PCDH9: variants seen among roughly 807,000 people sequenced by gnomAD.
PCDH9 encodes protocadherin-9.
In PCDH9, 24 loss-of-function variants were observed where a neutral mutation model predicts 70.6. The ratio of observed to expected loss-of-function variants is 0.34; its 90% confidence interval spans 0.25 to 0.48. PCDH9 has a LOEUF of 0.48. Ranked by LOEUF, PCDH9 falls within the 20% of genes least tolerant of loss-of-function variation. The pLI is 0.99. For missense variants in PCDH9, 1,281 were observed against 1,503.6 expected (o/e 0.85, Z 2.45); for synonymous variants, 562 against 558.5 (o/e 1.01, Z -0.09).
chr13:66,754,432 AG>A (rs984891631), intron 3 of PCDH9, among the ~76,000 whole-genome samples: 3 of 151,678 alleles, frequency 2.0e-5, no homozygotes, highest in Non-Finnish European at 4.4e-5. Flanking sequence ...TTTTAAAAAA[AG>A]GAAAAAAAAA....
chr13:66,422,322 A>G (rs1313063099), intron 4 of PCDH9, among the ~76,000 whole-genome samples: 1 of 152,200 alleles, frequency 6.6e-6, no homozygotes, highest in Non-Finnish European at 1.5e-5. Context: ...ATAGACATCT[A>G]TAGAACTCTC....
At chr13:66,521,937 G>T (rs553696139) in intron 4 of PCDH9, among the ~76,000 whole-genome samples, 2 of 151,374 alleles carry the variant, frequency 1.3e-5, no homozygotes, top group East Asian at 3.9e-4. Context: ...TTCTGAAAGA[G>T]AAATTTGATA....
intron 2 of PCDH9, among the ~76,000 whole-genome samples, chr13:66,986,720 T>C (rs906514297): frequency 6.6e-6 from 1 of 152,012 alleles, no homozygotes; most frequent in African/African-American, 2.4e-5. Flanking sequence ...TGATTTGAGA[T>C]GTTTAAAAAT....
intron 4 of PCDH9, among the ~76,000 whole-genome samples, chr13:66,485,112 T>C (rs1958916267): frequency 6.6e-6 from 1 of 152,200 alleles, no homozygotes; most frequent in African/African-American, 2.4e-5. Context: ...TTCTAAGGTG[T>C]TCGGTACTGA....
intron 3 of PCDH9, among the ~76,000 whole-genome samples, chr13:66,712,805 C>A (rs2146746): frequency 0.31 from 46,603 of 151,944 alleles, 8,148 homozygotes; most frequent in East Asian, 0.51. Context: ...GCTTTTCCTG[C>A]ACAAACTAGA....
At chr13:67,011,062 AACTT>A (rs2084442551) in intron 2 of PCDH9, among the ~76,000 whole-genome samples, 2 of 151,966 alleles carry the variant, frequency 1.3e-5, no homozygotes, top group African/African-American at 4.8e-5. Context: ...TGGTGGCAAT[AACTT>A]ACAAATTCTG....
intron 2 of PCDH9, among the ~76,000 whole-genome samples, chr13:66,957,059 A>G (rs1034098436): frequency 2.6e-5 from 4 of 152,230 alleles, no homozygotes; most frequent in African/African-American, 9.6e-5. Flanking sequence ...ACAATTTAAC[A>G]TAACAATGCT....
intron 4 of PCDH9, among the ~76,000 whole-genome samples, chr13:66,511,699 T>C (rs964633727): frequency 6.6e-6 from 1 of 152,128 alleles, no homozygotes; most frequent in East Asian, 1.9e-4. Context: ...ATCCTGGAAA[T>C]AGTGAATGAG....
At chr13:67,129,042 T>TAACA (rs751992288) in intron 2 of PCDH9, among the ~76,000 whole-genome samples, 1 of 152,164 alleles carries the variant, frequency 6.6e-6, no homozygotes, top group Non-Finnish European at 1.5e-5. Flanking sequence ...TTTTTTTACT[T>TAACA]AACACCACCT....
intron 2 of PCDH9, among the ~76,000 whole-genome samples, chr13:66,957,904 A>G (rs895128030): frequency 6.6e-6 from 1 of 152,240 alleles, no homozygotes; most frequent in Non-Finnish European, 1.5e-5. Context: ...AACGTAAAAT[A>G]CAAAGGGAGT....
At chr13:66,315,206 A>T (rs1050792565) in intron 4 of PCDH9, among the ~76,000 whole-genome samples, 1 of 152,142 alleles carries the variant, frequency 6.6e-6, no homozygotes, top group East Asian at 1.9e-4. Flanking sequence ...GTCTCAATAA[A>T]CTGGAAGCCA....
At chr13:66,973,641 T>C (rs1443130616) in intron 2 of PCDH9, among the ~76,000 whole-genome samples, 1 of 151,926 alleles carries the variant, frequency 6.6e-6, no homozygotes, top group East Asian at 1.9e-4. Context: ...ACTTTCATTG[T>C]TAGCTAACCT....
chr13:67,167,739 T>G (rs1367827517), intron 2 of PCDH9, among the ~76,000 whole-genome samples: 1 of 152,208 alleles, frequency 6.6e-6, no homozygotes, highest in African/African-American at 2.4e-5. Flanking sequence ...TATCTAAATA[T>G]TCTGTTTTTC....
At chr13:66,475,061 C>T (rs1212727741) in intron 4 of PCDH9, among the ~76,000 whole-genome samples, 6 of 151,972 alleles carry the variant, frequency 3.9e-5, no homozygotes, top group Non-Finnish European at 8.8e-5. Context: ...ATAAGGACTT[C>T]CAGACTGGTA....
At chr13:66,589,949 G>C (rs2138812466) in intron 4 of PCDH9, among the ~76,000 whole-genome samples, 1 of 151,982 alleles carries the variant, frequency 6.6e-6, no homozygotes. Flanking sequence ...ATTCCATGTG[G>C]TTCTATAAAA....
chr13:66,332,820 A>G (rs1566247582), intron 4 of PCDH9, among the ~76,000 whole-genome samples: 1 of 149,154 alleles, frequency 6.7e-6, no homozygotes, highest in African/African-American at 2.5e-5. Flanking sequence ...ATATATATAT[A>G]TGTATATATA....
intron 2 of PCDH9, among the ~76,000 whole-genome samples, chr13:67,000,878 T>C (rs2084230749): frequency 6.6e-6 from 1 of 152,220 alleles, no homozygotes; most frequent in African/African-American, 2.4e-5. Context: ...TTTTAAAATA[T>C]TACTTTCCTG....
At chr13:66,409,818 C>T (rs1957340909) in intron 4 of PCDH9, among the ~76,000 whole-genome samples, 1 of 152,160 alleles carries the variant, frequency 6.6e-6, no homozygotes, top group Admixed American at 6.5e-5. Context: ...AACATCAGTA[C>T]CTAATACGTT....
At chr13:66,953,243 T>C (rs1450578724) in intron 2 of PCDH9, among the ~76,000 whole-genome samples, 1 of 152,114 alleles carries the variant, frequency 6.6e-6, no homozygotes, top group Non-Finnish European at 1.5e-5. Flanking sequence ...TATGTGACAA[T>C]ATAGTTTTTA....
Sources: allele counts gnomAD v4.1 joint callset (sites outside exome capture counted in the v4.1 genomes callset), GRCh38; gene constraint gnomAD v4.1.1; transcripts MANE v1.5; gene names NCBI Gene and HGNC (gene_info 2026-07-23, HGNC 2026-07-21).